CEP83: variants seen among roughly 807,000 people sequenced by gnomAD.
The protein encoded by CEP83 is centrosomal protein of 83 kDa.
Under a neutral mutation model 101.9 loss-of-function variants are expected in CEP83, and 70 were observed. The observed-to-expected ratio is 0.69, with a 90% confidence interval of 0.57 to 0.84. The LOEUF (loss-of-function observed/expected upper bound fraction) is 0.84. CEP83 is among the 40% of genes least tolerant of loss of function. CEP83 has a pLI of 0.00. For missense variants in CEP83, 715 were observed against 787.2 expected (o/e 0.91, Z 1.10); for synonymous variants, 264 against 267.9 (o/e 0.99, Z 0.14).
the CEP83 span, among the ~76,000 whole-genome samples, chr12:94,283,076 A>G: frequency 6.6e-6 from 1 of 152,208 alleles, no homozygotes; most frequent in East Asian, 1.9e-4. Flanking sequence ...CCACTCTGAT[A>G]AGAGCTGGGG....
chr12:94,377,879 T>C (rs2061633717), intron 7 of CEP83, among the ~76,000 whole-genome samples: 1 of 152,196 alleles, frequency 6.6e-6, no homozygotes, highest in East Asian at 1.9e-4. Flanking sequence ...GGTACAATGA[T>C]ACTGACAACT....
intron 14 of CEP83, among the ~76,000 whole-genome samples, chr12:94,314,694 C>T (rs893059536): frequency 6.6e-6 from 1 of 152,176 alleles, no homozygotes; most frequent in African/African-American, 2.4e-5. Flanking sequence ...CTTTGATTGT[C>T]CCACATCCTC....
intron 4 of CEP83, among the ~76,000 whole-genome samples, chr12:94,409,476 A>C (rs2063748288): frequency 6.6e-6 from 1 of 152,156 alleles, no homozygotes; most frequent in South Asian, 2.1e-4. Context: ...AACATACTTT[A>C]ATCTATAAAT....
At chr12:94,399,623 C>T (rs2063131197) in intron 6 of CEP83, among the ~76,000 whole-genome samples, 1 of 151,964 alleles carries the variant, frequency 6.6e-6, no homozygotes, top group Non-Finnish European at 1.5e-5. Flanking sequence ...GTCCTAGCTA[C>T]TTGGGTACCT....
At chr12:94,354,895 G>A (rs187717618) in intron 11 of CEP83, among the ~76,000 whole-genome samples, 13 of 152,174 alleles carry the variant, frequency 8.5e-5, no homozygotes, top group African/African-American at 1.9e-4. Context: ...CTTGCTACTC[G>A]GGAGGCTGAA....
intron 11 of CEP83, among the ~76,000 whole-genome samples, chr12:94,336,421 T>C (rs371119853): frequency 2.0e-5 from 3 of 152,220 alleles, no homozygotes; most frequent in African/African-American, 4.8e-5. Flanking sequence ...TTGGCACCTA[T>C]TTATAGCTTG....
intron 11 of CEP83, among the ~76,000 whole-genome samples, chr12:94,359,197 T>C (rs768728453): frequency 1.6e-4 from 24 of 152,354 alleles, no homozygotes; most frequent in African/African-American, 4.8e-5. Context: ...GCTCTGAAGG[T>C]TGTGAGAAAT....
chr12:94,386,756 T>C lies in CEP83; in HGVS notation c.550-7714A>G, dbSNP rs111902671. On this transcript the variant is annotated intron_variant, in intron 6 of 16. Coordinates refer to ENST00000397809, the MANE Select transcript of CEP83 (RefSeq NM_016122.3). ...AGCAGAAATCCCCAGACTACTTAGA[T>C]TTGAATCCTGACCATATACTAGTTG... Among the ~76,000 whole-genome samples, 580 of 152,300 alleles carry C rather than the reference T, an allele frequency of 3.8e-3. 3 individuals carry two copies. Among genetic ancestry groups the C allele is most frequent in the African/African-American group, 0.013 (555 of 41,566 alleles).
intron 10 of CEP83, 23 bp from the exon 11 acceptor site, chr12:94,367,966 T>C (rs1249552707): frequency 3.7e-6 from 6 of 1,609,594 alleles, no homozygotes; most frequent in Admixed American, 1.7e-5. Context: ...ATCATAATTA[T>C]GTTACAAGAA....
intron 14 of CEP83, among the ~76,000 whole-genome samples, chr12:94,316,962 A>G (rs796365435): frequency 6.6e-5 from 10 of 152,226 alleles, no homozygotes; most frequent in African/African-American, 1.9e-4. Context: ...GCTGGGTCCA[A>G]TGGTAGTTGT....
intron 2 of CEP83, among the ~76,000 whole-genome samples, chr12:94,429,301 G>A (rs1308192384): frequency 6.6e-6 from 1 of 152,118 alleles, no homozygotes; most frequent in Non-Finnish European, 1.5e-5. Flanking sequence ...ATGGATACTT[G>A]CAATCCTAGC....
intron 11 of CEP83, among the ~76,000 whole-genome samples, chr12:94,366,128 TTTTG>T (rs546358420): frequency 3.2e-4 from 49 of 152,192 alleles, no homozygotes; most frequent in Non-Finnish European, 4.4e-5. Context: ...GGTTTTGTTT[TTTTG>T]TTTTTGTTTT....
chr12:94,272,507 A>G, the CEP83 span: 1 of 152,268 alleles, frequency 6.6e-6, no homozygotes, highest in South Asian at 2.1e-4. Flanking sequence ...CTGCGAAGCC[A>G]AGAGGCCAGC....
the CEP83 span, among the ~76,000 whole-genome samples, chr12:94,287,485 C>A: frequency 6.6e-6 from 1 of 152,170 alleles, no homozygotes; most frequent in African/African-American, 2.4e-5. Flanking sequence ...AGTTATTGCA[C>A]CCGCACCCTG....
chr12:94,384,771 CT>C (rs1304802802), intron 6 of CEP83, among the ~76,000 whole-genome samples: 8 of 152,136 alleles, frequency 5.3e-5, no homozygotes, highest in Admixed American at 1.3e-4. Context: ...TTTGCTAAGT[CT>C]TTTGGGTTTT....
downstream of CEP83, among the ~76,000 whole-genome samples, chr12:94,301,684 A>C (rs192210319): frequency 6.6e-6 from 1 of 152,176 alleles, no homozygotes; most frequent in African/African-American, 2.4e-5. Flanking sequence ...ACTGAGGAGG[A>C]GTTCTTGGGC....
intron 2 of CEP83, chr12:94,424,611 T>C: frequency 6.2e-7 from 1 of 1,613,404 alleles, no homozygotes; most frequent in Non-Finnish European, 8.5e-7. Context: ...TGTACACCAC[T>C]GGCCTTCAGT....
chr12:94,412,530 T>G lies in CEP83; in HGVS notation c.-40A>C. The G allele has an allele frequency of 6.3e-7, 1 of 1,587,286 alleles. No individual in the cohort carries two copies. ...TGGCTTTCTTACTGTTTTAGTTTTC[T>G]TTCCAAGGGTATTTCCCACTCCTTT... On this transcript the variant is annotated 5_prime_UTR_variant, in exon 3 of 17. Coordinates refer to ENST00000397809, the MANE Select transcript of CEP83 (RefSeq NM_016122.3).
intron 1 of CEP83, among the ~76,000 whole-genome samples, chr12:94,437,264 G>A (rs1022399407): frequency 3.3e-5 from 5 of 152,078 alleles, no homozygotes; most frequent in African/African-American, 1.2e-4. Context: ...ACAATCACCT[G>A]AACCTGGCAG....
Sources: gnomAD v4.1 joint callset for allele counts (sites outside exome capture counted in the v4.1 genomes callset) on GRCh38, gnomAD v4.1.1 for gene constraint, MANE v1.5 for transcripts, NCBI Gene and HGNC (gene_info 2026-07-23, HGNC 2026-07-21) for gene names.